The following LPP variants were observed in gnomAD, a reference collection of about 807,000 sequenced individuals.
LPP encodes lipoma-preferred partner.
LPP carries 38 observed loss-of-function variants against 60.4 expected under a neutral mutation model. The ratio of observed to expected loss-of-function variants is 0.63; its 90% confidence interval spans 0.49 to 0.83. The LOEUF (loss-of-function observed/expected upper bound fraction) is 0.83, where lower values mean the gene tolerates loss of function less well. Among genes scored for constraint, LPP ranks in the 40% least tolerant of loss-of-function variants. LPP has a pLI of 0.00. For synonymous variants in LPP, 328 were observed against 290.8 expected, an observed-to-expected ratio of 1.13 and a Z score of -1.30; for missense variants, 902 against 783.6, an observed-to-expected ratio of 1.15 and a Z score of -1.80.
intron 2 of LPP, among the ~76,000 whole-genome samples, chr3:188,247,443 T>C (rs1375380348): frequency 6.6e-6 from 1 of 152,152 alleles, no homozygotes; most frequent in Non-Finnish European, 1.5e-5. Flanking sequence ...TTCTATAGAT[T>C]GGTGAAATTG....
At chr3:188,812,970 C>G (rs1490327706) in intron 9 of LPP, among the ~76,000 whole-genome samples, 1 of 151,822 alleles carries the variant, frequency 6.6e-6, no homozygotes, top group Non-Finnish European at 1.5e-5. Flanking sequence ...GAGAATGGAC[C>G]CAAACTAATA....
intron 6 of LPP, chr3:188,562,396 G>T (rs1164131927): frequency 1.3e-5 from 2 of 152,008 alleles, no homozygotes; most frequent in African/African-American, 4.8e-5. Flanking sequence ...CTCAGTAATA[G>T]ATCCTTATTT....
Position 188,857,339 on chromosome 3 carries a change from T to G in LPP, c.1411-8861T>G, listed in dbSNP as rs561322954. Among the ~76,000 whole-genome samples the G allele has an allele frequency of 2.0e-5, 3 of 152,344 alleles. No homozygotes were observed. The East Asian group carries it at 5.8e-4, about 29-fold the overall frequency. On this transcript the variant is annotated intron_variant, in intron 9 of 11. Transcript: ENST00000617246. ...TAACGGAGAAAGATATCTGAGAAAC[T>G]TGTTAATTGGAGGACAGTGTGAAGT...
intron 7 of LPP, among the ~76,000 whole-genome samples, chr3:188,636,500 G>C (rs1848809653): frequency 6.6e-6 from 1 of 152,206 alleles, no homozygotes; most frequent in Admixed American, 6.5e-5. Flanking sequence ...CCATTGCCCA[G>C]ACTTGCTTAG....
chr3:188,787,987 T>G (rs1742487086), intron 9 of LPP, among the ~76,000 whole-genome samples: 2 of 152,186 alleles, frequency 1.3e-5, no homozygotes, highest in Admixed American at 1.3e-4. Context: ...GGTGTTCCCT[T>G]TTAAACCTGC....
Position 188,757,889 on chromosome 3 carries a change from G to GTT in LPP, c.1241-2205_1241-2204dup, listed in dbSNP as rs750488243. ...TTTTTTTTGTGGTTTTGTTTTTTTG[G>GTT]TTTTTTTTTTTTTTTTTTTTCAGAA... On this transcript the variant is annotated intron_variant, in intron 8 of 11. Coordinates refer to ENST00000617246, the MANE Select transcript of LPP (RefSeq NM_001375462.1). 1.6e-3 allele frequency among the ~76,000 whole-genome samples: 123 copies of GTT among 78,706 alleles called. 1 individual carries two copies. The highest frequency in any genetic ancestry group is 5.0e-3 in the East Asian group (10 of 1,992). The allele number at this position is 78,706 out of a possible 152,430, so 51.6% of individuals were successfully genotyped here. A position where few individuals can be genotyped will look rare whatever the true frequency, so the allele number is the denominator to read the frequency against.
chr3:188,497,253 G>C (rs572240069), intron 5 of LPP, among the ~76,000 whole-genome samples: 1 of 152,256 alleles, frequency 6.6e-6, no homozygotes, highest in Non-Finnish European at 1.5e-5. Flanking sequence ...ATTTGGGGTA[G>C]ATCAAGCCTC....
At chr3:188,365,303 C>T (rs548288560) in intron 3 of LPP, among the ~76,000 whole-genome samples, 1 of 152,276 alleles carries the variant, frequency 6.6e-6, no homozygotes, top group African/African-American at 2.4e-5. Context: ...TGTTTAAATA[C>T]TTTTCCTGTA....
chr3:188,277,525 G>A (rs1740415810), intron 2 of LPP, among the ~76,000 whole-genome samples: 1 of 152,132 alleles, frequency 6.6e-6, no homozygotes, highest in Non-Finnish European at 1.5e-5. Flanking sequence ...TTTGACTTAA[G>A]AGAACTTACT....
intron 2 of LPP, among the ~76,000 whole-genome samples, chr3:188,269,215 G>A (rs1045075898): frequency 2.6e-5 from 4 of 152,220 alleles, no homozygotes; most frequent in African/African-American, 9.7e-5. Context: ...TCTTTATGCT[G>A]TTCCTTCTAC....
intron 1 of LPP, among the ~76,000 whole-genome samples, chr3:188,190,738 A>G (rs1208384059): frequency 6.6e-6 from 1 of 152,204 alleles, no homozygotes; most frequent in Non-Finnish European, 1.5e-5. Context: ...AGATGAGCTG[A>G]TCTGAGGAAA....
intron 8 of LPP, among the ~76,000 whole-genome samples, chr3:188,720,836 A>G (rs1275500544): frequency 6.6e-6 from 1 of 152,220 alleles, no homozygotes. Context: ...TCTGGCAGTG[A>G]GCATCATTTG....
At chr3:188,386,560 G>A (rs546604491) in intron 3 of LPP, among the ~76,000 whole-genome samples, 12 of 152,188 alleles carry the variant, frequency 7.9e-5, no homozygotes, top group Non-Finnish European at 1.8e-4. Flanking sequence ...TCAGACTGCA[G>A]TGAGAAAAGT....
chr3:188,153,406 A>T (rs1316942327), upstream of LPP: 1 of 152,316 alleles, frequency 6.6e-6, no homozygotes, highest in African/African-American at 2.4e-5. Flanking sequence ...GGGGCTCACG[A>T]GGAAAATCTT....
chr3:188,359,752 A>G (rs1212269665), intron 3 of LPP, among the ~76,000 whole-genome samples: 2 of 151,778 alleles, frequency 1.3e-5, no homozygotes, highest in African/African-American at 4.8e-5. Context: ...TCCTTTCCCT[A>G]TTTGTCTGCT....
chr3:188,485,250 C>T (rs554279786), intron 5 of LPP, among the ~76,000 whole-genome samples: 5 of 152,198 alleles, frequency 3.3e-5, no homozygotes, highest in Admixed American at 6.5e-5. Flanking sequence ...TGGGTTCCAG[C>T]GAGTGGTAAT....
chr3:188,347,767 G>T (rs1229045838), intron 3 of LPP, among the ~76,000 whole-genome samples: 1 of 152,148 alleles, frequency 6.6e-6, no homozygotes, highest in Non-Finnish European at 1.5e-5. Flanking sequence ...GTGAGTGTGT[G>T]GGGGGGCCAG....
intron 8 of LPP, among the ~76,000 whole-genome samples, chr3:188,742,435 A>G (rs942004085): frequency 6.6e-6 from 1 of 152,170 alleles, no homozygotes; most frequent in Non-Finnish European, 1.5e-5. Context: ...CTATATTTAT[A>G]CAATGAAAGA....
At chr3:188,748,265 A>G (rs1201310576) in intron 8 of LPP, among the ~76,000 whole-genome samples, 1 of 152,192 alleles carries the variant, frequency 6.6e-6, no homozygotes, top group Non-Finnish European at 1.5e-5. Context: ...ACATACATAT[A>G]TACACATACA....
Sources: allele counts gnomAD v4.1 joint callset (sites outside exome capture counted in the v4.1 genomes callset), GRCh38; gene constraint gnomAD v4.1.1; transcripts MANE v1.5; gene names NCBI Gene and HGNC (gene_info 2026-07-23, HGNC 2026-07-21).